Variants in RNF17 observed in about 807,000 individuals in gnomAD.
RNF17 encodes ring finger protein 17.
In RNF17, 31 loss-of-function variants were observed where a neutral mutation model predicts 200.5. The observed-to-expected ratio is 0.15, with a 90% CI of 0.12 to 0.21. The LOEUF is 0.21. RNF17 is among the 10% of genes least tolerant of loss of function. The pLI, the probability that RNF17 is intolerant of heterozygous loss-of-function variation, is 1.00. For synonymous variants in RNF17, 606 were observed against 637.8 expected, an observed-to-expected ratio of 0.95 and a Z score of 0.75; for missense variants, 1,628 against 1,905.1, an observed-to-expected ratio of 0.85 and a Z score of 2.71.
chr13:24,779,346 A>G (rs1882037762), intron 4 of RNF17, among the ~76,000 whole-genome samples: 1 of 152,182 alleles, frequency 6.6e-6, no homozygotes, highest in Admixed American at 6.5e-5. Context: ...TTTTATATGT[A>G]TACATGTATT....
chr13:24,883,372 G>A, downstream of RNF17: 3 of 1,580,256 alleles, frequency 1.9e-6, no homozygotes, highest in Non-Finnish European at 2.6e-6. Flanking sequence ...TGCCATCACT[G>A]TAAAATTTAA....
chr13:24,887,308 A>G, the RNF17 span, among the ~76,000 whole-genome samples: 2 of 152,236 alleles, frequency 1.3e-5, no homozygotes, highest in Admixed American at 1.3e-4. Flanking sequence ...ACCCCACGGT[A>G]TACTGGTCTG....
chr13:24,755,093 T>C, the RNF17 span, among the ~76,000 whole-genome samples: 3 of 152,196 alleles, frequency 2.0e-5, no homozygotes, highest in Non-Finnish European at 4.4e-5. Context: ...ATTTGACTGC[T>C]GTGTTTCTTA....
intron 27 of RNF17, 92 bp from the exon 28 acceptor site, chr13:24,862,617 ATTAT>A: frequency 1.4e-6 from 1 of 729,358 alleles, no homozygotes; most frequent in Non-Finnish European, 2.5e-6. Flanking sequence ...ACTATCTGAT[ATTAT>A]TTGTTTATGG....
chr13:24,810,036 T>C lies in RNF17; in HGVS notation c.2091+5607T>C, dbSNP rs1287843968. ...TGTTATAATTTCTGTTCTTTTACATTTGCTGAGGAGAGCTTTACTTCCAAG... is the reference window on the plus strand; with the variant it reads ...TGTTATAATTTCTGTTCTTTTACATCTGCTGAGGAGAGCTTTACTTCCAAG... On this transcript the variant is annotated intron_variant, in intron 15 of 35. Transcript: ENST00000255324. 2.6e-4 allele frequency among the ~76,000 whole-genome samples: 39 copies of C among 152,142 alleles called. No homozygotes were observed. In the East Asian group the frequency reaches 7.3e-3, roughly 29 times the overall value.
intron 17 of RNF17, among the ~76,000 whole-genome samples, chr13:24,831,401 C>T (rs567882734): frequency 1.3e-5 from 2 of 152,218 alleles, no homozygotes; most frequent in East Asian, 3.9e-4. Context: ...AAGATCATGC[C>T]ATTGCCCTCT....
upstream of RNF17, among the ~76,000 whole-genome samples, chr13:24,760,755 A>G (rs1219109348): frequency 6.6e-6 from 1 of 152,212 alleles, no homozygotes; most frequent in East Asian, 1.9e-4. Context: ...AAAATACATA[A>G]GGAACATAAA....
At chr13:24,871,665 C>T (rs1894269554) in intron 32 of RNF17, among the ~76,000 whole-genome samples, 1 of 137,168 alleles carries the variant, frequency 7.3e-6, no homozygotes, top group Admixed American at 7.8e-5. Flanking sequence ...ATGAGTCTTG[C>T]TCTGTTGCCC....
chr13:24,755,133 C>T, the RNF17 span, among the ~76,000 whole-genome samples: 1 of 152,034 alleles, frequency 6.6e-6, no homozygotes, highest in Admixed American at 6.5e-5. Context: ...AAGCCAGTTA[C>T]AGATTGGTAT....
At chr13:24,753,295 A>G in the RNF17 span, among the ~76,000 whole-genome samples, 4 of 152,224 alleles carry the variant, frequency 2.6e-5, no homozygotes, top group African/African-American at 4.8e-5. Flanking sequence ...AAGTTCTTCT[A>G]TGTATTGATA....
chr13:24,784,446 T>C (rs933321787), intron 6 of RNF17, among the ~76,000 whole-genome samples: 4 of 152,224 alleles, frequency 2.6e-5, no homozygotes, highest in Non-Finnish European at 4.4e-5. Flanking sequence ...TTTGGTTCAA[T>C]TTACCAGTAA....
chr13:24,826,968 G>A (rs1323277879), intron 16 of RNF17, among the ~76,000 whole-genome samples: 1 of 152,100 alleles, frequency 6.6e-6, no homozygotes, highest in Non-Finnish European at 1.5e-5. Flanking sequence ...GCTGAGGCAG[G>A]AGAATCACTT....
At chr13:24,839,394 C>T (rs1890368999) in intron 18 of RNF17, among the ~76,000 whole-genome samples, 1 of 152,078 alleles carries the variant, frequency 6.6e-6, no homozygotes, top group South Asian at 2.1e-4. Context: ...TTCTAAAATT[C>T]ATATAGAACC....
At chr13:24,761,205 G>T (rs9578781), upstream of RNF17, among the ~76,000 whole-genome samples, 323 of 151,884 alleles carry the variant, frequency 2.1e-3, 2 homozygotes, top group African/African-American at 7.4e-3. Context: ...CCACTCTTAT[G>T]GTGGGAATAA....
intron 24 of RNF17, among the ~76,000 whole-genome samples, chr13:24,852,350 G>A (rs1360369659): frequency 1.3e-5 from 2 of 152,178 alleles, no homozygotes; most frequent in Admixed American, 6.5e-5. Flanking sequence ...GTGTTAGCCA[G>A]GATGGCCTCG....
chr13:24,885,673 A>G, the RNF17 span: 11 of 1,608,854 alleles, frequency 6.8e-6, no homozygotes, highest in South Asian at 2.2e-5. Flanking sequence ...TGGATTGCCT[A>G]TTAGAATAAA....
intron 1 of RNF17, 90 bp from the exon 2 acceptor site, chr13:24,767,168 GCAGTGAGCTGGTGC>G: frequency 1.4e-6 from 1 of 717,150 alleles, no homozygotes; most frequent in East Asian, 2.7e-5. Flanking sequence ...GGTGGAGGCT[GCAGTGAGCTGGTGC>G]CACTACACTC....
chr13:24,763,307 A>C (rs994968037), upstream of RNF17, among the ~76,000 whole-genome samples: 1 of 144,786 alleles, frequency 6.9e-6, no homozygotes, highest in Non-Finnish European at 1.5e-5. Context: ...GGTTCACGCC[A>C]TTCTCCTGCC....
At chr13:24,820,741 T>TC (rs1414422373) in intron 15 of RNF17, among the ~76,000 whole-genome samples, 1 of 152,160 alleles carries the variant, frequency 6.6e-6, no homozygotes, top group Non-Finnish European at 1.5e-5. Context: ...CAGCCTGGCC[T>TC]CCAAGATTTC....
Sources: allele counts gnomAD v4.1 joint callset (sites outside exome capture counted in the v4.1 genomes callset), GRCh38; gene constraint gnomAD v4.1.1; transcripts MANE v1.5; gene names NCBI Gene and HGNC (gene_info 2026-07-23, HGNC 2026-07-21).